The following NCOR2 variants were observed in gnomAD, a reference collection of about 807,000 sequenced individuals.
The protein encoded by NCOR2 is nuclear receptor corepressor 2, also known as CTG repeat protein 26.
Under a neutral mutation model 262.9 loss-of-function variants are expected in NCOR2, and 81 were observed. That is an observed-to-expected ratio of 0.31 (90% CI 0.26 to 0.37). The LOEUF is 0.37. Ranked by LOEUF, NCOR2 falls within the 10% of genes least tolerant of loss-of-function variation. The pLI is 1.00. For missense variants in NCOR2, 3,385 were observed against 3,621.4 expected, an observed-to-expected ratio of 0.93 and a Z score of 1.68; for synonymous variants, 1,659 against 1,559.3, an observed-to-expected ratio of 1.06 and a Z score of -1.51.
chr12:124,455,336 A>G (rs2045785621), intron 6 of NCOR2, among the ~76,000 whole-genome samples: 1 of 152,196 alleles, frequency 6.6e-6, no homozygotes, highest in African/African-American at 2.4e-5. Context: ...TGAGAGAAGC[A>G]CGACCCTAGG....
intron 2 of NCOR2, chr12:124,486,232 G>A (rs530361654): frequency 3.5e-5 from 22 of 627,156 alleles, no homozygotes; most frequent in African/African-American, 3.5e-4. Context: ...GAAGTTCCAC[G>A]CTGGAAGTCT....
chr12:124,461,874 C>T (rs1179445986), intron 5 of NCOR2, among the ~76,000 whole-genome samples: 2 of 152,204 alleles, frequency 1.3e-5, no homozygotes, highest in South Asian at 2.1e-4. Flanking sequence ...CACACATACA[C>T]GCACCCACGT....
chr12:124,555,173 T>C lies in NCOR2; in HGVS notation c.-165+12135A>G, dbSNP rs535314111. Among the ~76,000 whole-genome samples the C allele has an allele frequency of 3.9e-5, 6 of 152,314 alleles. No homozygotes were observed. In the South Asian group the frequency reaches 1.2e-3, roughly 32 times the overall value. Reference sequence around the variant, plus strand: ...AATAGTTCTGGCCACACCGGGTTATTGTGAAGCTTAGATGAGCTAACCCAT... The same window carrying C: ...AATAGTTCTGGCCACACCGGGTTATCGTGAAGCTTAGATGAGCTAACCCAT... On this transcript the variant is annotated intron_variant, in intron 1 of 32. Coordinates refer to the NCOR2 transcript ENST00000458234.
At chr12:124,327,148 T>C (rs1462492611) in intron 45 of NCOR2, among the ~76,000 whole-genome samples, 3 of 150,996 alleles carry the variant, frequency 2.0e-5, no homozygotes, top group African/African-American at 7.3e-5. Flanking sequence ...CGGACAGCAG[T>C]GTGAGTGTCC....
intron 23 of NCOR2, 60 bp from the exon 26 acceptor site, chr12:124,355,631 C>T (rs2037888302): frequency 1.3e-6 from 2 of 1,488,940 alleles, no homozygotes; most frequent in Non-Finnish European, 1.8e-6. Context: ...CTGCCGGACA[C>T]ACACTCCAGG....
intron 7 of NCOR2, among the ~76,000 whole-genome samples, chr12:124,449,569 C>T (rs567854766): frequency 2.6e-5 from 4 of 152,350 alleles, no homozygotes; most frequent in South Asian, 2.1e-4. Context: ...GCACCAGCAG[C>T]TCCCTCGCCC....
chr12:124,526,217 C>A (rs1043066527), intron 1 of NCOR2, among the ~76,000 whole-genome samples: 4 of 152,178 alleles, frequency 2.6e-5, no homozygotes, highest in African/African-American at 9.7e-5. Context: ...TCATGTGGGT[C>A]TTTCCTCAAC....
At chr12:124,374,107 T>C (rs1035300190) in intron 19 of NCOR2, among the ~76,000 whole-genome samples, 2 of 152,082 alleles carry the variant, frequency 1.3e-5, no homozygotes, top group Non-Finnish European at 2.9e-5. Flanking sequence ...TTCTGTAAAA[T>C]GGGGATACTT....
chr12:124,327,352 G>T, intron 45 of NCOR2, 57 bp downstream of exon 47: 4 of 1,334,294 alleles, frequency 3.0e-6, no homozygotes, highest in Non-Finnish European at 4.0e-6. Context: ...GAGGAGCGAG[G>T]ATTAATCACA....
At chr12:124,362,195 C>T (rs764447197) in exon 22 of NCOR2, 12 of 1,310,644 alleles carry the variant, frequency 9.2e-6, no homozygotes, top group East Asian at 2.8e-5. Context: ...TGCTGAGGGG[C>T]GTCGCTCTCC....
chr12:124,437,638 C>A (rs1190572362), intron 8 of NCOR2, among the ~76,000 whole-genome samples: 2 of 152,196 alleles, frequency 1.3e-5, no homozygotes, highest in African/African-American at 4.8e-5. Context: ...CAGGACAGGT[C>A]CCGTGACCAG....
chr12:124,506,579 C>A (rs962941554), intron 1 of NCOR2, among the ~76,000 whole-genome samples: 7 of 147,840 alleles, frequency 4.7e-5, no homozygotes, highest in Non-Finnish European at 1.1e-4. Context: ...TGGCTCCACC[C>A]GAGAAGCCCT....
chr12:124,359,317 C>G (rs1321116786), intron 22 of NCOR2, among the ~76,000 whole-genome samples: 1 of 152,218 alleles, frequency 6.6e-6, no homozygotes, highest in Non-Finnish European at 1.5e-5. Flanking sequence ...TCCAGATGAA[C>G]AAAGGAGGTT....
rs575439615 is a variant in NCOR2 at position 124,558,491 on chromosome 12, T to C, written c.-165+8817A>G. Among the ~76,000 whole-genome samples the C allele has an allele frequency of 2.6e-5, 4 of 152,328 alleles. No homozygotes were observed. The East Asian group carries it at 7.7e-4, about 29-fold the overall frequency. ...ACTGGGCTGCCTGCAGAGAGGGGAC[T>C]GTGGGTACAGGATGACAGCCAGAGA... On this transcript the variant is annotated intron_variant, in intron 1 of 32. Transcript: ENST00000458234.
intron 5 of NCOR2, among the ~76,000 whole-genome samples, chr12:124,464,714 A>G (rs2046336037): frequency 6.6e-6 from 1 of 152,158 alleles, no homozygotes; most frequent in Non-Finnish European, 1.5e-5. Flanking sequence ...TTTAGTCCCC[A>G]CACCAACTGT....
At position 124,517,052 on chromosome 12, in the gene NCOR2, C is replaced by T. The variant is rs1049037041; in HGVS notation, c.-118+18513G>A. On this transcript the variant is annotated intron_variant, in intron 1 of 46. Transcript: ENST00000404621. This position sits in a 1 kb window ranked among gnomAD's most constrained non-coding sequence, Gnocchi z 7.6. Reference sequence around the variant, plus strand: ...GGACAGGAACCCAGGCAGTCTGCCCCGCGTTCCCCCTAAAACTGCAGCTCC... The same window carrying T: ...GGACAGGAACCCAGGCAGTCTGCCCTGCGTTCCCCCTAAAACTGCAGCTCC... 2.6e-5 allele frequency among the ~76,000 whole-genome samples: 4 copies of T among 152,068 alleles called. No individual in the cohort carries two copies. Among genetic ancestry groups the T allele is most frequent in the Admixed American group, 2.6e-4 (4 of 15,276 alleles).
rs548459858 is a variant in NCOR2 at position 124,491,151 on chromosome 12, G to GAAA, written c.105+3993_105+3995dup. Among the ~76,000 whole-genome samples, 108 of 115,636 alleles carry GAAA rather than the reference G, an allele frequency of 9.3e-4. No individual in the cohort carries two copies. In the South Asian group the frequency reaches 0.011, roughly 11 times the overall value. The allele number at this position is 115,636 out of a possible 152,430, so 75.9% of individuals were successfully genotyped here. ...GGCGGTTGCATGGCCTGCAAAGCCT[G>GAAA]AAATATTTACAGAGAAGGTTGTGCT... On this transcript the variant is annotated intron_variant, in intron 1 of 46. Coordinates refer to ENST00000405201, the Ensembl canonical transcript of NCOR2.
intron 7 of NCOR2, among the ~76,000 whole-genome samples, chr12:124,438,376 C>T (rs1028622197): frequency 6.6e-6 from 1 of 152,164 alleles, no homozygotes; most frequent in Non-Finnish European, 1.5e-5. Context: ...GCCCGAGACC[C>T]CGAGACCTGC....
chr12:124,359,371 T>C (rs1464846742), intron 22 of NCOR2, among the ~76,000 whole-genome samples: 3 of 152,158 alleles, frequency 2.0e-5, no homozygotes. Context: ...AGTGCTAAGA[T>C]CAATTAATGA....
Sources: allele counts gnomAD v4.1 joint callset (sites outside exome capture counted in the v4.1 genomes callset), GRCh38; gene constraint gnomAD v4.1.1; non-coding constraint Gnocchi (gnomAD v3.1); transcripts MANE v1.5; gene names NCBI Gene and HGNC (gene_info 2026-07-23, HGNC 2026-07-21).